The following SMAD7 variants were observed in gnomAD, a reference collection of about 807,000 sequenced individuals.
SMAD7 encodes the protein SMAD family member 7.
SMAD7 carries 8 observed loss-of-function variants against 38.7 expected under a neutral mutation model. That is an observed-to-expected ratio of 0.21 (90% CI 0.12 to 0.37). The LOEUF is 0.37. Among genes scored for constraint, SMAD7 ranks in the 10% least tolerant of loss-of-function variants. The pLI is 1.00. For missense variants in SMAD7, 477 were observed against 577.9 expected, an observed-to-expected ratio of 0.83 and a Z score of 1.79; for synonymous variants, 327 against 265.1, an observed-to-expected ratio of 1.23 and a Z score of -2.27.
chr18:48,930,679 G>A (rs540720984), intron 3 of SMAD7, among the ~76,000 whole-genome samples: 46 of 151,336 alleles, frequency 3.0e-4, no homozygotes, highest in South Asian at 1.7e-3. Context: ...AGCCCACCCC[G>A]GTGGGTAGGG....
At chr18:48,925,751 T>C (rs1261207533) in intron 3 of SMAD7, among the ~76,000 whole-genome samples, 1 of 115,512 alleles carries the variant, frequency 8.7e-6, no homozygotes, top group Non-Finnish European at 1.9e-5. Flanking sequence ...TAAATGTTTT[T>C]CTTTTTTTTT....
Position 48,927,699 on chromosome 18 carries a change from C to T in SMAD7, c.743-5789G>A, listed in dbSNP as rs551031860. Among the ~76,000 whole-genome samples, 295 of 152,342 alleles carry T rather than the reference C, an allele frequency of 1.9e-3. 2 individuals carry two copies. The highest frequency in any genetic ancestry group is 6.8e-3 in the African/African-American group (283 of 41,576). ...ACACACGTTGGTCTCATCTCTGAGGCTCCTGGGTTCTCCAGCCGCTCAGAA... is the reference window on the plus strand; with the variant it reads ...ACACACGTTGGTCTCATCTCTGAGGTTCCTGGGTTCTCCAGCCGCTCAGAA... On this transcript the variant is annotated intron_variant, in intron 3 of 3. Coordinates refer to ENST00000262158, the MANE Select transcript of SMAD7 (RefSeq NM_005904.4).
rs542260160 is a variant in SMAD7, at chr18:48,938,336, C to T, written c.742+4145G>A. 2.3e-3 allele frequency among the ~76,000 whole-genome samples: 357 copies of T among 152,280 alleles called. 2 individuals are homozygous for T. The highest frequency in any genetic ancestry group is 4.2e-3 in the Non-Finnish European group (286 of 68,004). On this transcript the variant is annotated intron_variant, in intron 3 of 3. Transcript: ENST00000262158. Reference sequence around the variant, plus strand: ...AATCTCAAGCAAAGAGTTGGCCACCCTTGGGTTGGAGGCATGGTGCCGGGT... The same window carrying T: ...AATCTCAAGCAAAGAGTTGGCCACCTTTGGGTTGGAGGCATGGTGCCGGGT...
intron 3 of SMAD7, among the ~76,000 whole-genome samples, chr18:48,929,681 G>C (rs2069972991): frequency 1.3e-5 from 2 of 151,782 alleles, no homozygotes; most frequent in South Asian, 2.1e-4. Context: ...TAGAAGGACA[G>C]GACAGTTTTT....
chr18:48,948,904 G>A (rs527746403), intron 1 of SMAD7, among the ~76,000 whole-genome samples: 1 of 152,370 alleles, frequency 6.6e-6, no homozygotes, highest in East Asian at 1.9e-4. Flanking sequence ...GCACTCGGGA[G>A]ATGCATCCCA....
chr18:48,937,209 G>T (rs1599229416), intron 3 of SMAD7, among the ~76,000 whole-genome samples: 1 of 151,536 alleles, frequency 6.6e-6, no homozygotes, highest in Non-Finnish European at 1.5e-5. Flanking sequence ...TGCCACGGAG[G>T]TCCCATAGGT....
chr18:48,921,368 G>A lies in SMAD7; in HGVS notation c.*4C>T, dbSNP rs201583721. 92 of 1,606,432 alleles carry A rather than the reference G, an allele frequency of 5.7e-5. No individual in the cohort carries two copies. Among genetic ancestry groups the A allele is most frequent in the African/African-American group, 2.9e-4 (22 of 74,906 alleles). On this transcript the variant is annotated 3_prime_UTR_variant, in exon 4 of 4. Transcript: ENST00000262158. The surrounding 1 kb of genome is among the most constrained non-coding windows in gnomAD (Gnocchi z 6.4). ...AGCTCACGCTCTGTCCCCTCCGCAC[G>A]CGGCTACCGGCTGTTGAAGATGACC...
At chr18:48,935,657 T>G (rs2070055836) in intron 3 of SMAD7, among the ~76,000 whole-genome samples, 1 of 152,098 alleles carries the variant, frequency 6.6e-6, no homozygotes, top group African/African-American at 2.4e-5. Flanking sequence ...GCATATTCAC[T>G]TCCCCCAGCA....
chr18:48,937,263 C>CGTGTGTGTGTGTGT (rs1416134181), intron 3 of SMAD7, among the ~76,000 whole-genome samples: 111 of 69,096 alleles, frequency 1.6e-3, no homozygotes, highest in Admixed American at 3.2e-3. Flanking sequence ...TAAGTAAAGG[C>CGTGTGTGTGTGTGT]ATGTGTGTGT....
chr18:48,938,229 C>A (rs555857790), intron 3 of SMAD7, among the ~76,000 whole-genome samples: 1 of 152,306 alleles, frequency 6.6e-6, no homozygotes, highest in African/African-American at 2.4e-5. Context: ...GAGAAGGAGA[C>A]AGAAACATCC....
At chr18:48,930,449 G>C (rs533088656) in intron 3 of SMAD7, among the ~76,000 whole-genome samples, 1 of 152,286 alleles carries the variant, frequency 6.6e-6, no homozygotes, top group Admixed American at 6.5e-5. Context: ...AGAAGCTGCT[G>C]TCACAAGGCC....
In SMAD7 at chr18:48,922,889, G is replaced by A. The variant is rs539156101; in HGVS notation, c.743-979C>T. 6.4e-4 allele frequency among the ~76,000 whole-genome samples: 98 copies of A among 152,260 alleles called. 1 individual carries two copies. In the South Asian group the frequency reaches 0.018, roughly 27 times the overall value. ...TACACAGTCTTCCCACAGGCAGCCT[G>A]GGGGCCGGGGTGATTCTGGTAAGGT... is the stretch of plus-strand genomic sequence containing the variant. On this transcript the variant is annotated intron_variant, in intron 3 of 3. Transcript: ENST00000262158.
intron 3 of SMAD7, among the ~76,000 whole-genome samples, chr18:48,940,048 G>A (rs1182898669): frequency 1.3e-5 from 2 of 152,018 alleles, no homozygotes; most frequent in South Asian, 4.2e-4. Context: ...AGGCATTCTC[G>A]CTACAAAGAG....
At chr18:48,942,288 A>AG (rs2143808421) in intron 3 of SMAD7, among the ~76,000 whole-genome samples, 193 bp downstream of exon 3, 1 of 152,296 alleles carries the variant, frequency 6.6e-6, no homozygotes, top group Admixed American at 6.5e-5. Flanking sequence ...CAGTGTCCAG[A>AG]GCGTAAAGGA....
At chr18:48,948,310 C>T (rs1042170020) in intron 2 of SMAD7, 74 bp downstream of exon 2, 2 of 1,081,882 alleles carry the variant, frequency 1.8e-6, no homozygotes, top group African/African-American at 1.6e-5. Context: ...TTTGCCTACA[C>T]ACAAAAAGCC....
At chr18:48,949,550 C>T (rs1346000147) in intron 1 of SMAD7, among the ~76,000 whole-genome samples, 1 of 152,188 alleles carries the variant, frequency 6.6e-6, no homozygotes, top group Non-Finnish European at 1.5e-5. Flanking sequence ...CCCGTAGACC[C>T]CTTCGGGGCA....
intron 2 of SMAD7, among the ~76,000 whole-genome samples, chr18:48,944,079 T>C (rs770632186): frequency 1.3e-5 from 2 of 152,136 alleles, no homozygotes; most frequent in Non-Finnish European, 2.9e-5. Context: ...ATACACTTAA[T>C]CAAACAGAAA....
intron 1 of SMAD7, among the ~76,000 whole-genome samples, chr18:48,948,817 C>T (rs528690243): frequency 2.6e-5 from 4 of 152,268 alleles, no homozygotes; most frequent in Admixed American, 6.5e-5. Context: ...GCCCGCCCCC[C>T]AGGCGTGCAA....
intron 3 of SMAD7, among the ~76,000 whole-genome samples, chr18:48,922,739 T>G (rs2069877115): frequency 6.6e-6 from 1 of 151,868 alleles, no homozygotes; most frequent in African/African-American, 2.4e-5. Context: ...CTTCTCCCCT[T>G]CTCTGCCGGC....
Sources: allele counts gnomAD v4.1 joint callset (sites outside exome capture counted in the v4.1 genomes callset), GRCh38; gene constraint gnomAD v4.1.1; non-coding constraint Gnocchi (gnomAD v3.1); transcripts MANE v1.5; gene names NCBI Gene and HGNC (gene_info 2026-07-23, HGNC 2026-07-21).